The following LRMDA variants were observed in gnomAD, a reference collection of about 807,000 sequenced individuals.
LRMDA encodes leucine rich melanocyte differentiation associated.
Under a neutral mutation model 29.8 loss-of-function variants are expected in LRMDA, and 18 were observed. That is an observed-to-expected ratio of 0.60 (90% CI 0.42 to 0.90). The LOEUF is 0.90. Ranked by LOEUF, LRMDA falls within the 40% of genes least tolerant of loss-of-function variation. The pLI is 0.00. For missense variants in LRMDA, 273 were observed against 273.9 expected, an observed-to-expected ratio of 1.00 and a Z score of 0.02; for synonymous variants, 125 against 109.4, an observed-to-expected ratio of 1.14 and a Z score of -0.89.
At chr10:75,804,734 T>C (rs1026298202) in intron 2 of LRMDA, among the ~76,000 whole-genome samples, 3 of 152,236 alleles carry the variant, frequency 2.0e-5, no homozygotes, top group Admixed American at 6.5e-5. Flanking sequence ...GAATTTGGGC[T>C]GGCAGCAGCC....
chr10:75,787,414 G>A (rs1334279896), intron 2 of LRMDA, among the ~76,000 whole-genome samples: 1 of 152,132 alleles, frequency 6.6e-6, no homozygotes, highest in Non-Finnish European at 1.5e-5. Flanking sequence ...ATCTCAGGAG[G>A]CGCCTGAATC....
chr10:76,182,161 G>A (rs1440796291), intron 5 of LRMDA, among the ~76,000 whole-genome samples: 1 of 152,092 alleles, frequency 6.6e-6, no homozygotes. Flanking sequence ...AGTTCCATGT[G>A]GCTGGGGAGG....
intron 2 of LRMDA, among the ~76,000 whole-genome samples, chr10:75,626,758 G>A (rs2132110059): frequency 6.6e-6 from 1 of 152,140 alleles, no homozygotes; most frequent in East Asian, 1.9e-4. Context: ...TGACAGCAAA[G>A]CCATCTTCTG....
chr10:76,526,021 G>A (rs1378353461), intron 6 of LRMDA, among the ~76,000 whole-genome samples: 1 of 152,130 alleles, frequency 6.6e-6, no homozygotes, highest in Non-Finnish European at 1.5e-5. Flanking sequence ...TTCACAATTT[G>A]CAACCTAAAC....
rs185928650 is a variant in LRMDA, at chr10:76,060,893, C to T, written c.516+2110C>T. Among the ~76,000 whole-genome samples the T allele has an allele frequency of 1.5e-3, 226 of 152,292 alleles. 2 individuals are homozygous for T. The highest frequency in any genetic ancestry group is 7.3e-3 in the South Asian group (35 of 4,826). On this transcript the variant is annotated intron_variant, in intron 5 of 6. Transcript: ENST00000611255. Reference sequence around the variant, plus strand: ...TGTATGATTGACTCCAATATCCTTACTAACTGTATTAAGCTTTAAAAAGCC... The same window carrying T: ...TGTATGATTGACTCCAATATCCTTATTAACTGTATTAAGCTTTAAAAAGCC...
chr10:76,349,480 T>C (rs1457464553), intron 6 of LRMDA, among the ~76,000 whole-genome samples: 2 of 152,114 alleles, frequency 1.3e-5, no homozygotes, highest in Non-Finnish European at 2.9e-5. Context: ...ATATATTATA[T>C]ATATTTACCT....
rs114998676 is a variant in LRMDA at position 75,872,314 on chromosome 10, T to C, written c.132-163694T>C. ...TCTCTCTCTCTCTTTTTTTTTTTAA[T>C]TTTTGAGACGATGGAATCTCGCTCT... On this transcript the variant is annotated intron_variant, in intron 2 of 6. Coordinates refer to ENST00000611255, the MANE Select transcript of LRMDA (RefSeq NM_001305581.2). Among the ~76,000 whole-genome samples, 611 of 151,988 alleles carry C rather than the reference T, an allele frequency of 4.0e-3. 4 individuals are homozygous for C. The highest frequency in any genetic ancestry group is 0.014 in the African/African-American group (590 of 41,348).
Position 75,865,662 on chromosome 10 carries a change from C to T in LRMDA, c.132-170346C>T, listed in dbSNP as rs141467773. ...CAATGATATTCAAGTGAGTACCTGC[C>T]GTCTGGGTTAGCTTTTATAGGAAGC... On this transcript the variant is annotated intron_variant, in intron 2 of 6. Transcript: ENST00000611255. 4.7e-3 allele frequency among the ~76,000 whole-genome samples: 714 copies of T among 152,252 alleles called. 10 individuals carry two copies. The highest frequency in any genetic ancestry group is 0.016 in the African/African-American group (680 of 41,540).
intron 5 of LRMDA, among the ~76,000 whole-genome samples, chr10:76,259,020 T>C (rs916417509): frequency 6.6e-6 from 1 of 152,160 alleles, no homozygotes; most frequent in Non-Finnish European, 1.5e-5. Flanking sequence ...GTTTTATTTG[T>C]AGTTTTTAAG....
intron 6 of LRMDA, among the ~76,000 whole-genome samples, chr10:76,459,944 T>C (rs1418965438): frequency 1.3e-5 from 2 of 152,154 alleles, no homozygotes; most frequent in African/African-American, 4.8e-5. Flanking sequence ...CACTGGGTGA[T>C]GAGCCCTGAA....
At chr10:76,367,876 C>T (rs550636797) in intron 6 of LRMDA, among the ~76,000 whole-genome samples, 1 of 152,100 alleles carries the variant, frequency 6.6e-6, no homozygotes, top group African/African-American at 2.4e-5. Flanking sequence ...GTAGGTTTTC[C>T]TTTATGTACA....
chr10:75,696,058 A>G (rs1314907303), intron 2 of LRMDA, among the ~76,000 whole-genome samples: 1 of 152,224 alleles, frequency 6.6e-6, no homozygotes, highest in African/African-American at 2.4e-5. Flanking sequence ...AAAAAAACCC[A>G]AAAAGATAAG....
At chr10:76,207,595 G>A (rs762042520) in intron 5 of LRMDA, among the ~76,000 whole-genome samples, 39 of 152,154 alleles carry the variant, frequency 2.6e-4, no homozygotes, top group Non-Finnish European at 5.0e-4. Flanking sequence ...TTTAGTGGAA[G>A]CCCTCTTTAT....
At chr10:75,791,304 A>G (rs1036584852) in intron 2 of LRMDA, among the ~76,000 whole-genome samples, 4 of 152,244 alleles carry the variant, frequency 2.6e-5, no homozygotes, top group Admixed American at 2.0e-4. Flanking sequence ...TTATACCATC[A>G]AGAGAATAGA....
chr10:75,811,504 A>G (rs986716604), intron 2 of LRMDA, among the ~76,000 whole-genome samples: 2 of 152,206 alleles, frequency 1.3e-5, no homozygotes, highest in African/African-American at 4.8e-5. Flanking sequence ...GGGCCTAGGC[A>G]CGGACTCAGG....
chr10:76,507,909 A>G (rs1842975145), intron 6 of LRMDA, among the ~76,000 whole-genome samples: 3 of 152,074 alleles, frequency 2.0e-5, no homozygotes. Context: ...TTTATAGTAC[A>G]TTTTCAAATC....
At chr10:75,994,410 A>G (rs1250235182) in intron 2 of LRMDA, among the ~76,000 whole-genome samples, 2 of 152,238 alleles carry the variant, frequency 1.3e-5, no homozygotes, top group Non-Finnish European at 2.9e-5. Context: ...CACAGTCTCC[A>G]GTAGCATGCT....
chr10:75,558,735 T>C (rs912762932), intron 2 of LRMDA, among the ~76,000 whole-genome samples: 2 of 144,910 alleles, frequency 1.4e-5, no homozygotes, highest in African/African-American at 5.4e-5. Context: ...CCTGTGTCCA[T>C]GTGTTCTCAT....
intron 5 of LRMDA, among the ~76,000 whole-genome samples, chr10:76,142,143 T>C (rs981792894): frequency 6.6e-6 from 1 of 152,114 alleles, no homozygotes; most frequent in Non-Finnish European, 1.5e-5. Flanking sequence ...TTTTCTGCTT[T>C]AAGATTTGGC....
Sources: gnomAD v4.1 joint callset for allele counts (sites outside exome capture counted in the v4.1 genomes callset) on GRCh38, gnomAD v4.1.1 for gene constraint, MANE v1.5 for transcripts, NCBI Gene and HGNC (gene_info 2026-07-23, HGNC 2026-07-21) for gene names.